ENOX1: variants seen among roughly 807,000 people sequenced by gnomAD.
ENOX1 encodes the protein ecto-NOX disulfide-thiol exchanger 1, also known as candidate growth-related and time keeping constitutive hydroquinone (NADH) oxidase.
In ENOX1, 42 loss-of-function variants were observed where a neutral mutation model predicts 82.5. The ratio of observed to expected loss-of-function variants is 0.51; its 90% CI spans 0.40 to 0.66. The LOEUF (loss-of-function observed/expected upper bound fraction) is 0.66, where lower values mean the gene tolerates loss of function less well. Ranked by LOEUF, ENOX1 falls within the 30% of genes least tolerant of loss-of-function variation. ENOX1 has a pLI of 0.00. For synonymous variants in ENOX1, 271 were observed against 282.2 expected (o/e 0.96, Z 0.40); for missense variants, 608 against 811.6 (o/e 0.75, Z 3.05).
At chr13:43,507,442 G>A (rs1002592005) in intron 2 of ENOX1, among the ~76,000 whole-genome samples, 6 of 151,936 alleles carry the variant, frequency 3.9e-5, no homozygotes, top group African/African-American at 1.4e-4. Context: ...ACTTACAAAG[G>A]GGCAGGAATC....
chr13:43,400,308 C>A (rs756362635), intron 5 of ENOX1, among the ~76,000 whole-genome samples: 4 of 152,206 alleles, frequency 2.6e-5, no homozygotes, highest in Non-Finnish European at 4.4e-5. Flanking sequence ...AGATGCCTGT[C>A]CTTTTCTGAG....
chr13:43,417,282 T>A (rs1475176296), intron 3 of ENOX1, among the ~76,000 whole-genome samples: 1 of 107,436 alleles, frequency 9.3e-6, no homozygotes, highest in Non-Finnish European at 2.4e-5. Flanking sequence ...AATCTAATGG[T>A]TTTAATGACA....
chr13:43,785,379 C>T (rs1466445271), intron 1 of ENOX1, among the ~76,000 whole-genome samples: 2 of 152,174 alleles, frequency 1.3e-5, no homozygotes, highest in Non-Finnish European at 2.9e-5. Context: ...TCTCCACCCT[C>T]TTCAGATCCC....
chr13:43,306,788 A>C (rs527662011), intron 11 of ENOX1, among the ~76,000 whole-genome samples: 10 of 151,480 alleles, frequency 6.6e-5, no homozygotes, highest in Non-Finnish European at 1.2e-4. Flanking sequence ...CCCCTTAAGA[A>C]GTGTATTTCC....
At chr13:43,577,593 A>C (rs1458511714) in intron 2 of ENOX1, among the ~76,000 whole-genome samples, 1 of 152,226 alleles carries the variant, frequency 6.6e-6, no homozygotes, top group African/African-American at 2.4e-5. Flanking sequence ...AATTCCCTCC[A>C]TCAAGCCATT....
chr13:43,666,812 C>T (rs899399797), intron 2 of ENOX1, among the ~76,000 whole-genome samples: 1 of 152,082 alleles, frequency 6.6e-6, no homozygotes, highest in South Asian at 2.1e-4. Context: ...AGCTTTGGCT[C>T]AGTTAATGGG....
chr13:43,627,583 A>G (rs1441929359), intron 2 of ENOX1, among the ~76,000 whole-genome samples: 3 of 152,026 alleles, frequency 2.0e-5, no homozygotes, highest in African/African-American at 7.2e-5. Context: ...CTCTGCATTT[A>G]TTTACAACCT....
intron 9 of ENOX1, among the ~76,000 whole-genome samples, chr13:43,342,953 G>C (rs183724518): frequency 1.3e-5 from 2 of 152,278 alleles, no homozygotes; most frequent in Non-Finnish European, 1.5e-5. Flanking sequence ...CAAAGAAAAC[G>C]AAGTTCTCAC....
At chr13:43,671,931 TA>T (rs929510189) in intron 1 of ENOX1, among the ~76,000 whole-genome samples, 1 of 152,176 alleles carries the variant, frequency 6.6e-6, no homozygotes, top group Non-Finnish European at 1.5e-5. Context: ...CTTAATAATT[TA>T]AAAAATATGT....
intron 9 of ENOX1, among the ~76,000 whole-genome samples, chr13:43,343,345 C>T (rs981946092): frequency 6.6e-6 from 1 of 152,176 alleles, no homozygotes; most frequent in Non-Finnish European, 1.5e-5. Context: ...GGCCATTCCT[C>T]AAGGCTGGTG....
intron 2 of ENOX1, among the ~76,000 whole-genome samples, chr13:43,563,129 T>C (rs903605623): frequency 2.0e-5 from 3 of 152,108 alleles, no homozygotes; most frequent in Non-Finnish European, 2.9e-5. Flanking sequence ...ACAGACCATA[T>C]GGTAAGCCAC....
chr13:43,294,142 A>T (rs941498677), intron 12 of ENOX1, among the ~76,000 whole-genome samples: 1 of 152,152 alleles, frequency 6.6e-6, no homozygotes, highest in African/African-American at 2.4e-5. Flanking sequence ...GGCCTAAGAC[A>T]GCTGGTCTTC....
intron 14 of ENOX1, among the ~76,000 whole-genome samples, chr13:43,254,330 G>T (rs1381081571): frequency 6.6e-6 from 1 of 152,074 alleles, no homozygotes; most frequent in South Asian, 2.1e-4. Flanking sequence ...TATAAAATTT[G>T]CCTTTCTCTT....
At chr13:43,709,857 A>C (rs1415865610) in intron 1 of ENOX1, among the ~76,000 whole-genome samples, 4 of 152,186 alleles carry the variant, frequency 2.6e-5, no homozygotes, top group Admixed American at 2.6e-4. Flanking sequence ...TAAAAAACAG[A>C]ACCGGAAATA....
chr13:43,601,139 C>T (rs771549126), intron 2 of ENOX1, among the ~76,000 whole-genome samples: 3 of 152,060 alleles, frequency 2.0e-5, no homozygotes, highest in Non-Finnish European at 2.9e-5. Flanking sequence ...CGAATACCCA[C>T]AAGCATTAAG....
intron 16 of ENOX1, among the ~76,000 whole-genome samples, chr13:43,220,420 G>A (rs1447924646): frequency 6.6e-6 from 1 of 152,192 alleles, no homozygotes; most frequent in Non-Finnish European, 1.5e-5. Flanking sequence ...AGTTCAGAGA[G>A]TATCTTCCCT....
chr13:43,695,507 G>A (rs2153806261), intron 1 of ENOX1, among the ~76,000 whole-genome samples: 1 of 147,120 alleles, frequency 6.8e-6, no homozygotes, highest in East Asian at 2.0e-4. Context: ...AAGTGCAGTG[G>A]CGTGATCTCA....
At chr13:43,282,143 G>A (rs756964825) in intron 12 of ENOX1, among the ~76,000 whole-genome samples, 1 of 152,010 alleles carries the variant, frequency 6.6e-6, no homozygotes, top group Non-Finnish European at 1.5e-5. Context: ...CAAAATGTTT[G>A]TATTATTCTG....
At chr13:43,416,980 G>A (rs199516156) in intron 3 of ENOX1, among the ~76,000 whole-genome samples, 5 of 152,296 alleles carry the variant, frequency 3.3e-5, no homozygotes, top group East Asian at 3.9e-4. Flanking sequence ...AGGCCGGGGC[G>A]GGCAGATCAC....
Sources: gnomAD v4.1 joint callset for allele counts (sites outside exome capture counted in the v4.1 genomes callset) on GRCh38, gnomAD v4.1.1 for gene constraint, MANE v1.5 for transcripts, NCBI Gene and HGNC (gene_info 2026-07-23, HGNC 2026-07-21) for gene names.